The following ZZEF1 variants were observed in gnomAD, a reference collection of about 807,000 sequenced individuals.
ZZEF1 encodes zinc finger ZZ-type and EF-hand domain containing 1, also known as zinc finger ZZ-type and EF-hand domain-containing protein 1.
In ZZEF1, 157 loss-of-function variants were observed where a neutral mutation model predicts 342.8. That is an observed-to-expected ratio of 0.46 (90% CI 0.40 to 0.52). The LOEUF (loss-of-function observed/expected upper bound fraction) is 0.52, where lower values mean the gene tolerates loss of function less well. Ranked by LOEUF, ZZEF1 falls within the 20% of genes least tolerant of loss-of-function variation. The pLI, the probability that ZZEF1 is intolerant of heterozygous loss-of-function variation, is 0.00. For synonymous variants in ZZEF1, 1,505 were observed against 1,429.1 expected (o/e 1.05, Z -1.20); for missense variants, 3,480 against 3,725.6 (o/e 0.93, Z 1.72).
Position 4,116,404 on chromosome 17 carries a change from A to G in ZZEF1, c.694+568T>C, listed in dbSNP as rs563529464. ...GAAGTTCACCTTTCCATCCTGATTTATAACACTGACTTTATCTGGTACTAT... is the reference window on the plus strand; with the variant it reads ...GAAGTTCACCTTTCCATCCTGATTTGTAACACTGACTTTATCTGGTACTAT... On this transcript the variant is annotated intron_variant, in intron 3 of 54. Coordinates refer to ENST00000381638, the MANE Select transcript of ZZEF1 (RefSeq NM_015113.4). 2.0e-5 allele frequency among the ~76,000 whole-genome samples: 3 copies of G among 152,358 alleles called. No homozygotes were observed. The South Asian group carries it at 6.2e-4, about 32-fold the overall frequency.
chr17:4,123,780 A>G (rs866200815), intron 2 of ZZEF1, 127 bp downstream of exon 2: 3 of 1,055,116 alleles, frequency 2.8e-6, no homozygotes, highest in African/African-American at 3.2e-5. Context: ...ATGCTAATTC[A>G]GATCGGGAGC....
At position 4,056,247 on chromosome 17, in the gene ZZEF1, A is replaced by T; in HGVS notation, c.5264T>A (p.Ile1755Lys). Residue 1755 changes from isoleucine to lysine, a missense_variant, in exon 33 of 55, where the codon ATA becomes AAA. Ile to Lys is a moderately radical substitution (Grantham distance 102). This residue lies in a region of ZZEF1 where 175 missense variants were observed against 254.6 expected (regional missense o/e 0.69). Transcript: ENST00000381638. ...CTGCTTCTCTGGATCTTCCTGGGCT[A>T]TTTTTTCATACCAGGCCTCAAACAT... The part of the protein sequence containing the change: ...DGMFEAWYEK[I>K]AQEDPEKQRK... The T allele has an allele frequency of 6.3e-7, 1 of 1,589,628 alleles. No homozygotes were observed. Among genetic ancestry groups the T allele is most frequent in the Non-Finnish European group, 8.6e-7 (1 of 1,167,768 alleles).
rs192952593 is a variant in ZZEF1, at chr17:4,132,733, G to A, written c.355-8682C>T. 2.0e-4 allele frequency among the ~76,000 whole-genome samples: 18 copies of A among 89,918 alleles called. 3 individuals carry two copies. The highest frequency in any genetic ancestry group is 3.6e-4 in the Admixed American group (3 of 8,418). The allele number at this position is 89,918 out of a possible 152,430, so 59.0% of individuals were successfully genotyped here. ...TGTAATCCCAGCACTTTGGGAGGCC[G>A]AGGCGGGTGGATCACGAAGTCAGGA... On this transcript the variant is annotated intron_variant, in intron 1 of 54. Transcript: ENST00000381638.
chr17:4,061,148 C>T (rs539291059), intron 30 of ZZEF1, among the ~76,000 whole-genome samples: 2 of 152,328 alleles, frequency 1.3e-5, no homozygotes, highest in East Asian at 3.9e-4. Context: ...CTGTCAAATC[C>T]AGTGTGTTTT....
At chr17:4,077,104 G>A (rs537472735) in intron 19 of ZZEF1, 115 bp from the exon 20 acceptor site, 42 of 1,053,108 alleles carry the variant, frequency 4.0e-5, no homozygotes, top group African/African-American at 2.7e-4. Flanking sequence ...GTTCCACAGC[G>A]AAGACCACAA....
intron 39 of ZZEF1, among the ~76,000 whole-genome samples, chr17:4,036,108 G>A (rs1352470038): frequency 6.8e-6 from 1 of 148,116 alleles, no homozygotes; most frequent in African/African-American, 2.5e-5. Context: ...GTCGAAACAA[G>A]GAAAGGAGGA....
At chr17:4,074,862 G>A (rs1304323200) in intron 23 of ZZEF1, among the ~76,000 whole-genome samples, 1 of 152,254 alleles carries the variant, frequency 6.6e-6, no homozygotes, top group Non-Finnish European at 1.5e-5. Context: ...CTCTGCCACT[G>A]CAGTGCCAAA....
rs1597738782 is a variant in ZZEF1 at position 4,004,997 on chromosome 17, C to G, written c.*1893G>C. ...ACGGGAGGATGGAGTACAGCGGCGG[C>G]CACTGCCATAGGGGAGGTGACTCCG... On this transcript the variant is annotated 3_prime_UTR_variant, in exon 55 of 55. Coordinates refer to ENST00000381638, the MANE Select transcript of ZZEF1 (RefSeq NM_015113.4). 6.6e-6 allele frequency: 1 copy of G among 152,346 alleles called. No individual in the cohort carries two copies. The highest frequency in any genetic ancestry group is 6.5e-5 in the Admixed American group (1 of 15,288). The allele number at this position is 152,346 out of a possible 1,614,324, so 9.4% of individuals were successfully genotyped here. A position where few individuals can be genotyped will look rare whatever the true frequency, so the allele number is the denominator to read the frequency against.
intron 39 of ZZEF1, among the ~76,000 whole-genome samples, chr17:4,035,533 G>A (rs907096861): frequency 6.6e-6 from 1 of 152,198 alleles, no homozygotes; most frequent in Admixed American, 6.5e-5. Context: ...ACAGGTGGCT[G>A]AGGAAGTCAC....
chr17:4,080,253 A>T (rs2145324721), intron 18 of ZZEF1, among the ~76,000 whole-genome samples: 1 of 151,190 alleles, frequency 6.6e-6, no homozygotes, highest in East Asian at 1.9e-4. Flanking sequence ...TTAAAAAATC[A>T]CTAACACAGA....
At chr17:4,108,240 T>C (rs1422681869) in intron 6 of ZZEF1, among the ~76,000 whole-genome samples, 1 of 152,180 alleles carries the variant, frequency 6.6e-6, no homozygotes, top group African/African-American at 2.4e-5. Context: ...CTATCTGAAG[T>C]TGTGTGCAAC....
intron 30 of ZZEF1, 146 bp from the exon 31 acceptor site, chr17:4,059,436 C>T: frequency 1.0e-6 from 1 of 990,002 alleles, no homozygotes. Flanking sequence ...AATATAATAC[C>T]TATAGAAGGT....
chr17:4,124,518 G>C (rs8066614), intron 1 of ZZEF1, among the ~76,000 whole-genome samples: 143,930 of 152,202 alleles, frequency 0.95, 68,619 homozygotes, highest in East Asian at 1. Context: ...CCTCAGGTCA[G>C]TGCAACCTCC....
Position 4,105,742 on chromosome 17 carries a change from A to G in ZZEF1, c.1345T>C (p.Ser449Pro). 6.2e-7 allele frequency: 1 copy of G among 1,613,308 alleles called. No individual in the cohort carries two copies. Among genetic ancestry groups the G allele is most frequent in the Non-Finnish European group, 8.5e-7 (1 of 1,179,714 alleles). Residue 449 changes from serine (S) to proline (P), a missense_variant, in exon 7 of 55, where the codon TCC becomes CCC. Around this residue, in one of 5 missense-constraint regions of ZZEF1, gnomAD observed 1,528 missense variants for 1,624.1 expected, o/e 0.94. Transcript: ENST00000381638. ...TCCACTTCTTCCAGCACATTAGGGG[A>G]GAGGAAAGTTGAGAAATCTGTAGAT... ...PGSTDFSTFL[S>P]PNVLEEVDSF...
chr17:4,130,191 T>C (rs1446757216), intron 1 of ZZEF1, among the ~76,000 whole-genome samples: 2 of 152,150 alleles, frequency 1.3e-5, no homozygotes, highest in South Asian at 2.1e-4. Flanking sequence ...CGGTGGCTCA[T>C]GCCTATAATC....
rs375863566 is a variant in ZZEF1, at chr17:4,019,653, C to T, written c.7505+16G>A. ...TCTCCCTGGCCACACTTCAGCTGCA[C>T]GGAAATGTCCCTTACCTCTTCTGAA... On this transcript the variant is annotated intron_variant, in intron 46 of 54. Coordinates refer to ENST00000381638, the MANE Select transcript of ZZEF1 (RefSeq NM_015113.4). 11 of 1,606,752 alleles carry T rather than the reference C, an allele frequency of 6.8e-6. No homozygotes were observed. The highest frequency in any genetic ancestry group is 1.7e-5 in the Admixed American group (1 of 59,208).
rs775590642 is a variant in ZZEF1 at position 4,124,006 on chromosome 17, C to T, written c.400G>A (p.Glu134Lys). The T allele has an allele frequency of 1.8e-5, 29 of 1,613,776 alleles. No homozygotes were observed. Among genetic ancestry groups the T allele is most frequent in the Non-Finnish European group, 2.2e-5 (26 of 1,179,956 alleles). ...DAEGDGTVDA[E>K]NMLEALKNSS... is the part of the protein sequence containing the mutation. ...TTCTTGAGGGCCTCCAACATGTTCT[C>T]GGCATCAACTGTCCCATCACCCTCA... Residue 134 changes from glutamate to lysine, a missense_variant, in exon 2 of 55, where the codon GAG (glutamate) becomes AAG (lysine). This residue lies in a region of ZZEF1 where 416 missense variants were observed against 374.2 expected (regional missense o/e 1.11). Transcript: ENST00000381638.
At chr17:4,108,054 G>A (rs893739671) in intron 6 of ZZEF1, among the ~76,000 whole-genome samples, 2 of 152,194 alleles carry the variant, frequency 1.3e-5, no homozygotes, top group Non-Finnish European at 2.9e-5. Flanking sequence ...CATAAAAGAG[G>A]AATCCACTAA....
intron 2 of ZZEF1, among the ~76,000 whole-genome samples, chr17:4,123,284 TATA>T (rs2058517092): frequency 2.1e-5 from 2 of 95,010 alleles, no homozygotes; most frequent in African/African-American, 7.9e-5. Context: ...TATATATATA[TATA>T]TATATATATA....
Sources: gnomAD v4.1 joint callset for allele counts (sites outside exome capture counted in the v4.1 genomes callset) on GRCh38, gnomAD v4.1.1 for gene constraint, gnomAD v4.1.1 regional missense constraint, MANE v1.5 for transcripts, NCBI Gene and HGNC (gene_info 2026-07-23, HGNC 2026-07-21) for gene names.